Variants in DCC observed in about 807,000 individuals in gnomAD.
DCC encodes the protein netrin receptor DCC.
A neutral mutation model predicts 172.5 loss-of-function variants in DCC; 58 were observed. The observed-to-expected ratio is 0.34, with a 90% CI of 0.27 to 0.42. The LOEUF (loss-of-function observed/expected upper bound fraction) is 0.42. Ranked by LOEUF, DCC falls within the 10% of genes least tolerant of loss-of-function variation. DCC has a pLI of 1.00. For synonymous variants in DCC, 709 were observed against 644.5 expected, an observed-to-expected ratio of 1.10 and a Z score of -1.52; for missense variants, 1,740 against 1,791.0, an observed-to-expected ratio of 0.97 and a Z score of 0.51.
At chr18:52,887,659 T>C (rs947148984) in intron 2 of DCC, among the ~76,000 whole-genome samples, 5 of 152,210 alleles carry the variant, frequency 3.3e-5, no homozygotes. Flanking sequence ...GAGAATATCA[T>C]TTCCAAGTCA....
intron 1 of DCC, among the ~76,000 whole-genome samples, chr18:52,414,440 C>T (rs1222084903): frequency 6.6e-6 from 1 of 152,150 alleles, no homozygotes. Flanking sequence ...CCCTTCTGCT[C>T]CCCATCTGAT....
chr18:53,457,500 A>G (rs2045497986), intron 23 of DCC, among the ~76,000 whole-genome samples: 1 of 152,344 alleles, frequency 6.6e-6, no homozygotes, highest in East Asian at 1.9e-4. Flanking sequence ...GCAGCCACAC[A>G]GATGCTGGTG....
At chr18:52,946,280 G>A (rs1392416078) in intron 5 of DCC, among the ~76,000 whole-genome samples, 1 of 152,146 alleles carries the variant, frequency 6.6e-6, no homozygotes, top group African/African-American at 2.4e-5. Context: ...ATCCATCTCT[G>A]TAATTCCAGT....
chr18:53,117,613 T>C (rs1176369076), intron 7 of DCC, among the ~76,000 whole-genome samples: 3 of 151,762 alleles, frequency 2.0e-5, no homozygotes, highest in African/African-American at 7.2e-5. Flanking sequence ...AACCTGAAGA[T>C]TGAATTAAGG....
intron 12 of DCC, among the ~76,000 whole-genome samples, chr18:53,232,880 C>G (rs753627519): frequency 6.6e-6 from 1 of 152,066 alleles, no homozygotes; most frequent in African/African-American, 2.4e-5. Context: ...TGTCTCCGCT[C>G]TCAATAAACT....
intron 2 of DCC, among the ~76,000 whole-genome samples, chr18:52,888,655 A>G (rs969613672): frequency 6.6e-6 from 1 of 151,978 alleles, no homozygotes; most frequent in Non-Finnish European, 1.5e-5. Flanking sequence ...ATTTTTCTTA[A>G]TTATGTCAGT....
intron 1 of DCC, among the ~76,000 whole-genome samples, chr18:52,733,429 T>G (rs7236354): frequency 2.6e-5 from 4 of 152,172 alleles, no homozygotes; most frequent in Non-Finnish European, 1.5e-5. Context: ...AGCTGCATGT[T>G]AGTGTAACTA....
intron 1 of DCC, among the ~76,000 whole-genome samples, chr18:52,396,872 G>A (rs185652499): frequency 6.0e-4 from 91 of 152,028 alleles, no homozygotes; most frequent in Non-Finnish European, 2.2e-4. Flanking sequence ...ATTGCCCCAC[G>A]AGGCTGTGTG....
At chr18:52,446,898 G>A (rs1988142794) in intron 1 of DCC, among the ~76,000 whole-genome samples, 1 of 152,172 alleles carries the variant, frequency 6.6e-6, no homozygotes, top group Non-Finnish European at 1.5e-5. Context: ...TCGGCATAAT[G>A]CCCAGAGAGA....
chr18:52,981,675 T>A (rs956806824), intron 5 of DCC, among the ~76,000 whole-genome samples: 2 of 152,150 alleles, frequency 1.3e-5, no homozygotes, highest in African/African-American at 4.8e-5. Flanking sequence ...TCAATAATAT[T>A]TTTTGATTAG....
At chr18:53,186,444 C>G (rs1568353978) in intron 9 of DCC, among the ~76,000 whole-genome samples, 2 of 152,180 alleles carry the variant, frequency 1.3e-5, no homozygotes, top group African/African-American at 2.4e-5. Context: ...TGTCGTCATG[C>G]TGGTGCAGCT....
At chr18:53,257,987 G>C (rs990607695) in intron 12 of DCC, among the ~76,000 whole-genome samples, 2 of 152,188 alleles carry the variant, frequency 1.3e-5, no homozygotes, top group African/African-American at 2.4e-5. Flanking sequence ...AGATTTTCTA[G>C]TTTATTTGTG....
intron 2 of DCC, among the ~76,000 whole-genome samples, chr18:52,777,918 C>T (rs1021157384): frequency 6.6e-6 from 1 of 152,102 alleles, no homozygotes; most frequent in Non-Finnish European, 1.5e-5. Flanking sequence ...AAGCAGTGGA[C>T]AAGGACAGCA....
At chr18:52,529,457 A>AT (rs1225432950) in intron 1 of DCC, among the ~76,000 whole-genome samples, 1 of 151,854 alleles carries the variant, frequency 6.6e-6, no homozygotes, top group African/African-American at 2.4e-5. Flanking sequence ...CGCCCAGCTA[A>AT]TTTTTTGCAT....
chr18:53,173,795 C>T (rs2055049121), intron 8 of DCC, among the ~76,000 whole-genome samples: 1 of 137,288 alleles, frequency 7.3e-6, no homozygotes, highest in South Asian at 2.5e-4. Context: ...ACAAGGATAC[C>T]CAGGAATTGA....
intron 12 of DCC, among the ~76,000 whole-genome samples, chr18:53,282,276 G>C (rs576069251): frequency 6.6e-6 from 1 of 152,254 alleles, no homozygotes; most frequent in Non-Finnish European, 1.5e-5. Context: ...CACAGGCCAT[G>C]CTGACTGCAA....
chr18:53,010,557 A>G (rs2041713455), intron 5 of DCC, among the ~76,000 whole-genome samples: 1 of 151,442 alleles, frequency 6.6e-6, no homozygotes. Flanking sequence ...TACTGTTTAC[A>G]TTTAAATATA....
rs374730079 is a variant in DCC at position 53,251,803 on chromosome 18, T to A, written c.1911+36206T>A. On this transcript the variant is annotated intron_variant, in intron 12 of 28. Coordinates refer to ENST00000442544, the MANE Select transcript of DCC (RefSeq NM_005215.4). ...ATTGATGAAGCACCATATCCCACCATCATTCATGACTTGTCATCTTCAGTA... is the reference window on the plus strand; with the variant it reads ...ATTGATGAAGCACCATATCCCACCAACATTCATGACTTGTCATCTTCAGTA... 4.1e-4 allele frequency among the ~76,000 whole-genome samples: 63 copies of A among 152,054 alleles called. 1 individual carries two copies. In the South Asian group the frequency reaches 9.7e-3, roughly 24 times the overall value.
chr18:53,270,462 A>G (rs758189404), intron 12 of DCC, among the ~76,000 whole-genome samples: 7 of 152,158 alleles, frequency 4.6e-5, no homozygotes, highest in Non-Finnish European at 8.8e-5. Context: ...ATTAGTTGTA[A>G]GATTTTAATC....
Sources: gnomAD v4.1 joint callset for allele counts (sites outside exome capture counted in the v4.1 genomes callset) on GRCh38, gnomAD v4.1.1 for gene constraint, MANE v1.5 for transcripts, NCBI Gene and HGNC (gene_info 2026-07-23, HGNC 2026-07-21) for gene names.